Variants in PDGFRL observed in about 807,000 individuals in gnomAD.
PDGFRL encodes platelet-derived growth factor receptor-like protein.
PDGFRL carries 46 observed loss-of-function variants against 37.2 expected under a neutral mutation model. That is an observed-to-expected ratio of 1.24 (90% CI 0.98 to 1.58). The LOEUF is 1.58. PDGFRL is among the 40% of genes most tolerant of loss of function. The probability of loss-of-function intolerance (pLI) is 0.00; values close to 1 mark genes in which losing one functional copy is unlikely to be tolerated. For missense variants in PDGFRL, 692 were observed against 467.6 expected (o/e 1.48, Z -4.43); for synonymous variants, 251 against 184.3 (o/e 1.36, Z -2.93).
At chr8:17,588,135 C>T (rs958720456) in intron 1 of PDGFRL, among the ~76,000 whole-genome samples, 17 of 134,092 alleles carry the variant, frequency 1.3e-4, no homozygotes, top group African/African-American at 4.2e-4. Context: ...TTTATTATCA[C>T]TATTTGCCAG....
intron 1 of PDGFRL, among the ~76,000 whole-genome samples, chr8:17,584,776 G>C (rs1384993935): frequency 1.3e-5 from 2 of 150,864 alleles, no homozygotes; most frequent in African/African-American, 4.9e-5. Context: ...AAGGGGTCCT[G>C]ATCCAGACCG....
Position 17,589,756 on chromosome 8 carries a change from C to G in PDGFRL, c.344C>G (p.Ser115Cys). The change falls in exon 2 of 6, where the codon TCT becomes TGT. Residue 115 changes from serine (S) to cysteine (C), a missense_variant. Ser to Cys is a moderately radical substitution (Grantham distance 112). Transcript: ENST00000251630. ...YPAYLDTFKD[S>C]RLSVKQNERY... ...GCGTATCTGGACACCTTTAAGGATTCTCGCCTCAGGTAAGCATTTTTTTTT... is the reference window on the plus strand; with the variant it reads ...GCGTATCTGGACACCTTTAAGGATTGTCGCCTCAGGTAAGCATTTTTTTTT... 1 of 1,596,424 alleles carries G rather than the reference C, an allele frequency of 6.3e-7. No homozygotes were observed. The highest frequency in any genetic ancestry group is 1.1e-5 in the South Asian group (1 of 89,582).
intron 2 of PDGFRL, among the ~76,000 whole-genome samples, chr8:17,608,825 G>A (rs1440455441): frequency 6.6e-6 from 1 of 152,172 alleles, no homozygotes; most frequent in Non-Finnish European, 1.5e-5. Flanking sequence ...GAAGGCAGCT[G>A]TGAGCAGGCG....
intron 2 of PDGFRL, among the ~76,000 whole-genome samples, chr8:17,616,445 G>A (rs560657828): frequency 3.3e-5 from 5 of 151,606 alleles, no homozygotes; most frequent in South Asian, 2.1e-4. Flanking sequence ...CACCCACCTC[G>A]GCCTCCCAAA....
intron 1 of PDGFRL, among the ~76,000 whole-genome samples, chr8:17,581,146 G>A (rs1803699353): frequency 1.3e-5 from 2 of 152,098 alleles, no homozygotes; most frequent in East Asian, 1.9e-4. Flanking sequence ...AGTAAGACAG[G>A]GTGAGACATG....
intron 2 of PDGFRL, among the ~76,000 whole-genome samples, chr8:17,604,770 T>G (rs1428961639): frequency 1.3e-5 from 2 of 152,058 alleles, no homozygotes; most frequent in African/African-American, 2.4e-5. Flanking sequence ...AGAGCAAAAT[T>G]TAGGGCAATT....
rs571620525 is a variant in PDGFRL, at chr8:17,643,026, C to T, written c.*225C>T. The stretch of plus-strand genomic sequence containing the variant: ...AGAAAGCATGATTTTGATTGCTTAC[C>T]TACATACGTGTTCCTAGTTTTTATA... On this transcript the variant is annotated 3_prime_UTR_variant, in exon 6 of 6. Transcript: ENST00000251630. 4.5e-5 allele frequency: 21 copies of T among 466,772 alleles called. No individual in the cohort carries two copies. The highest frequency in any genetic ancestry group is 5.0e-4 in the Middle Eastern group (1 of 1,992). The allele number at this position is 466,772 out of a possible 1,614,324, so 28.9% of individuals were successfully genotyped here. A position where few individuals can be genotyped will look rare whatever the true frequency, so the allele number is the denominator to read the frequency against.
At chr8:17,600,579 C>G (rs1393048000) in intron 2 of PDGFRL, among the ~76,000 whole-genome samples, 1 of 151,888 alleles carries the variant, frequency 6.6e-6, no homozygotes, top group Non-Finnish European at 1.5e-5. Context: ...ATGGGAGGAT[C>G]ACTTGAGGCC....
At chr8:17,608,702 A>G (rs990860035) in intron 2 of PDGFRL, among the ~76,000 whole-genome samples, 1 of 152,204 alleles carries the variant, frequency 6.6e-6, no homozygotes, top group African/African-American at 2.4e-5. Flanking sequence ...AATAGTCCCA[A>G]CGACAAGCAG....
intron 3 of PDGFRL, among the ~76,000 whole-genome samples, chr8:17,626,860 A>T (rs1257994078): frequency 6.6e-6 from 1 of 152,094 alleles, no homozygotes; most frequent in Non-Finnish European, 1.5e-5. Flanking sequence ...TAAGATAAAA[A>T]TGCCATCATC....
chr8:17,605,075 C>G (rs1212006355), intron 2 of PDGFRL, among the ~76,000 whole-genome samples: 4 of 152,064 alleles, frequency 2.6e-5, no homozygotes, highest in Non-Finnish European at 5.9e-5. Flanking sequence ...TGAGATCATG[C>G]CACTGCGCTC....
intron 4 of PDGFRL, 39 bp from the exon 5 acceptor site, chr8:17,634,035 C>T (rs745338452): frequency 1.2e-5 from 20 of 1,607,376 alleles, no homozygotes; most frequent in African/African-American, 1.3e-5. Context: ...CAAGGTTACA[C>T]TCGGGGTCTC....
At chr8:17,606,154 G>C (rs1287538411) in intron 2 of PDGFRL, among the ~76,000 whole-genome samples, 2 of 150,958 alleles carry the variant, frequency 1.3e-5, no homozygotes. Flanking sequence ...GTTGTGGAGA[G>C]TACTCTGGTG....
intron 1 of PDGFRL, among the ~76,000 whole-genome samples, chr8:17,587,753 G>A (rs937951089): frequency 1.3e-5 from 2 of 150,808 alleles, no homozygotes; most frequent in South Asian, 2.1e-4. Flanking sequence ...TCAGCCTCCC[G>A]AGTGGTAGCT....
Position 17,643,012 on chromosome 8 carries a change from T to C in PDGFRL, c.*211T>C. ...TTAACTTTTCTAACAGAAAGCATGA[T>C]TTTGATTGCTTACCTACATACGTGT... On this transcript the variant is annotated 3_prime_UTR_variant, in exon 6 of 6. Transcript: ENST00000251630. 1 of 495,190 alleles carries C rather than the reference T, an allele frequency of 2.0e-6. No individual in the cohort carries two copies. The highest frequency in any genetic ancestry group is 3.8e-5 in the South Asian group (1 of 26,570). The allele number at this position is 495,190 out of a possible 1,614,324, so 30.7% of individuals were successfully genotyped here.
intron 3 of PDGFRL, among the ~76,000 whole-genome samples, chr8:17,625,926 T>C (rs1030703651): frequency 6.6e-6 from 1 of 151,936 alleles, no homozygotes; most frequent in Admixed American, 6.6e-5. Context: ...GCCCTGGAGG[T>C]TGAAACTGCA....
At chr8:17,610,219 G>C (rs758505771) in intron 2 of PDGFRL, among the ~76,000 whole-genome samples, 21 of 152,182 alleles carry the variant, frequency 1.4e-4, no homozygotes, top group African/African-American at 4.6e-4. Flanking sequence ...TGAGCGTTCA[G>C]CTGAGCAGAG....
chr8:17,642,958 G>A lies in PDGFRL; in HGVS notation c.*157G>A, dbSNP rs1805181919. 1.7e-6 allele frequency: 1 copy of A among 581,826 alleles called. No individual in the cohort carries two copies. The allele number at this position is 581,826 out of a possible 1,614,324, so 36.0% of individuals were successfully genotyped here. ...TCCGACCCAGACATCCAAACTAAAA[G>A]GAAGTCATCCAGTCTATTCACAGAA... On this transcript the variant is annotated 3_prime_UTR_variant, in exon 6 of 6. Coordinates refer to ENST00000251630, the MANE Select transcript of PDGFRL (RefSeq NM_001372073.1).
chr8:17,642,792 G>C lies in PDGFRL; in HGVS notation c.1119G>C (p.Glu373Asp), dbSNP rs753553104. 1.9e-6 allele frequency: 3 copies of C among 1,599,060 alleles called. No individual in the cohort carries two copies. In the South Asian group the frequency reaches 3.3e-5, roughly 18 times the overall value. ...AGACCACAGTAGCTACCACTGTTGA[G>C]TTTTCCTGACTTGGAAAAGGAAATG... is the stretch of plus-strand genomic sequence containing the variant. ...QGQTTVATTV[E>D]FS Residue 373 changes from glutamate (E) to aspartate (D), a missense_variant, in exon 6 of 6, where the codon GAG (glutamate) becomes GAC (aspartate). Transcript: ENST00000251630.
Sources: gnomAD v4.1 joint callset for allele counts (sites outside exome capture counted in the v4.1 genomes callset) on GRCh38, gnomAD v4.1.1 for gene constraint, MANE v1.5 for transcripts, NCBI Gene and HGNC (gene_info 2026-07-23, HGNC 2026-07-21) for gene names.